The following PDE3B variants were observed in gnomAD, a reference collection of about 807,000 sequenced individuals.
The protein encoded by PDE3B is phosphodiesterase 3B.
PDE3B carries 66 observed loss-of-function variants against 116.8 expected under a neutral mutation model. The observed-to-expected ratio is 0.56, with a 90% confidence interval of 0.46 to 0.69. The LOEUF is 0.69. Among genes scored for constraint, PDE3B ranks in the 30% least tolerant of loss-of-function variants. PDE3B has a pLI of 0.00. For missense variants in PDE3B, 1,384 were observed against 1,368.1 expected, an observed-to-expected ratio of 1.01 and a Z score of -0.18; for synonymous variants, 595 against 533.6, an observed-to-expected ratio of 1.12 and a Z score of -1.59.
At chr11:14,645,600 A>T (rs1356961789) in intron 1 of PDE3B, among the ~76,000 whole-genome samples, 2 of 152,234 alleles carry the variant, frequency 1.3e-5, no homozygotes, top group African/African-American at 4.8e-5. Flanking sequence ...AGAGTAATTT[A>T]GATGAAAAGA....
chr11:14,803,612 C>T (rs193277580), intron 4 of PDE3B, among the ~76,000 whole-genome samples: 2 of 152,278 alleles, frequency 1.3e-5, no homozygotes, highest in African/African-American at 2.4e-5. Flanking sequence ...AGTCTGCAGC[C>T]TATGGACCTA....
chr11:14,676,606 T>C (rs1854538369), intron 1 of PDE3B, among the ~76,000 whole-genome samples: 1 of 152,170 alleles, frequency 6.6e-6, no homozygotes, highest in African/African-American at 2.4e-5. Context: ...TTATGGACTT[T>C]ATAAACACTG....
chr11:14,826,578 T>A (rs1465506899), intron 7 of PDE3B, among the ~76,000 whole-genome samples: 1 of 151,972 alleles, frequency 6.6e-6, no homozygotes, highest in Non-Finnish European at 1.5e-5. Flanking sequence ...AAGACATGGA[T>A]TCCCTGAATA....
chr11:14,832,357 G>T (rs1168890168), intron 9 of PDE3B, among the ~76,000 whole-genome samples: 1 of 152,126 alleles, frequency 6.6e-6, no homozygotes, highest in Non-Finnish European at 1.5e-5. Context: ...AGTTCTTAGG[G>T]ATAAAAATGT....
intron 1 of PDE3B, among the ~76,000 whole-genome samples, chr11:14,686,732 A>ATTTTTTTTTTTTTTTTTTTTG (rs1854885255): frequency 6.6e-6 from 1 of 151,974 alleles, no homozygotes; most frequent in Admixed American, 6.6e-5. Flanking sequence ...ATTTTTTTTA[A>ATTTTTTTTTTTTTTTTTTTTG]AGACAGAGTC....
chr11:14,711,959 A>G (rs906543521), intron 1 of PDE3B, among the ~76,000 whole-genome samples: 4 of 152,356 alleles, frequency 2.6e-5, no homozygotes, highest in Non-Finnish European at 4.4e-5. Context: ...CTGAATACCT[A>G]AAGTAGTACA....
chr11:14,844,497 T>G (rs1158439115), intron 12 of PDE3B, among the ~76,000 whole-genome samples: 1 of 152,120 alleles, frequency 6.6e-6, no homozygotes, highest in Non-Finnish European at 1.5e-5. Context: ...GGACAGTGGG[T>G]GCAGCGCACC....
At chr11:14,649,943 A>G (rs1853522893) in intron 1 of PDE3B, among the ~76,000 whole-genome samples, 1 of 152,218 alleles carries the variant, frequency 6.6e-6, no homozygotes, top group Non-Finnish European at 1.5e-5. Flanking sequence ...CTGACAGTTT[A>G]TAACATTGAC....
chr11:14,668,470 T>G (rs529449951), intron 1 of PDE3B, among the ~76,000 whole-genome samples: 1 of 152,294 alleles, frequency 6.6e-6, no homozygotes, highest in Non-Finnish European at 1.5e-5. Context: ...CATTACTATA[T>G]TTTTTAATGA....
chr11:14,792,327 G>T (rs1554994984), intron 4 of PDE3B, among the ~76,000 whole-genome samples: 1 of 151,932 alleles, frequency 6.6e-6, no homozygotes. Context: ...TTTGTTCTTG[G>T]TTTAACACCA....
In PDE3B at chr11:14,643,908, C is replaced by A; in HGVS notation, c.-168C>A. On this transcript the variant is annotated 5_prime_UTR_variant, in exon 1 of 16. Coordinates refer to ENST00000282096, the MANE Select transcript of PDE3B (RefSeq NM_000922.4). ...AGCCAGCATGTCCCGGACTCCGCCG[C>A]TCCTCAGTCCGCGCGGTGGGGACCC... is the stretch of plus-strand genomic sequence containing the variant. 9.8e-7 allele frequency: 1 copy of A among 1,021,118 alleles called. No individual in the cohort carries two copies. The highest frequency in any genetic ancestry group is 1.3e-6 in the Non-Finnish European group (1 of 761,052). 63.3% of individuals were successfully genotyped at this position (1,021,118 alleles called of 1,614,324 possible).
At chr11:14,727,797 A>G (rs181355367) in intron 1 of PDE3B, among the ~76,000 whole-genome samples, 1 of 152,170 alleles carries the variant, frequency 6.6e-6, no homozygotes, top group East Asian at 1.9e-4. Context: ...ACTTTATTTT[A>G]AAATTCATTT....
chr11:14,681,025 A>G (rs778729017), intron 1 of PDE3B, among the ~76,000 whole-genome samples: 1 of 152,188 alleles, frequency 6.6e-6, no homozygotes, highest in Non-Finnish European at 1.5e-5. Context: ...AGCCAAAAAC[A>G]TATTTTTGGC....
chr11:14,662,894 A>G (rs954243201), intron 1 of PDE3B, among the ~76,000 whole-genome samples: 1 of 152,204 alleles, frequency 6.6e-6, no homozygotes, highest in African/African-American at 2.4e-5. Flanking sequence ...GCAGGATATT[A>G]TCTAGGAGAA....
At chr11:14,896,145 C>T in the PDE3B span, among the ~76,000 whole-genome samples, 2 of 152,208 alleles carry the variant, frequency 1.3e-5, no homozygotes, top group Non-Finnish European at 2.9e-5. Flanking sequence ...ACCCACTGGG[C>T]CATCTTCTGT....
chr11:14,663,926 T>C (rs1346544364), intron 1 of PDE3B, among the ~76,000 whole-genome samples: 1 of 152,128 alleles, frequency 6.6e-6, no homozygotes, highest in African/African-American at 2.4e-5. Context: ...CTAATAGACA[T>C]CTACAGAACT....
At chr11:14,748,132 A>T (rs1856963714) in intron 1 of PDE3B, among the ~76,000 whole-genome samples, 1 of 152,262 alleles carries the variant, frequency 6.6e-6, no homozygotes, top group Non-Finnish European at 1.5e-5. Flanking sequence ...GGTTTAACAT[A>T]GGCATAGGCC....
At chr11:14,834,925 T>C (rs888001339) in intron 10 of PDE3B, 57 bp from the exon 11 acceptor site, 45 of 875,664 alleles carry the variant, frequency 5.1e-5, no homozygotes, top group Non-Finnish European at 7.2e-5. Context: ...AGGAAATTAT[T>C]GTACTTTTTA....
At chr11:14,798,773 G>T (rs574972330) in intron 4 of PDE3B, among the ~76,000 whole-genome samples, 39 of 152,206 alleles carry the variant, frequency 2.6e-4, no homozygotes, top group African/African-American at 8.4e-4. Flanking sequence ...GGGATCAGTG[G>T]TGATATCCCC....
Sources: allele counts gnomAD v4.1 joint callset (sites outside exome capture counted in the v4.1 genomes callset), GRCh38; gene constraint gnomAD v4.1.1; transcripts MANE v1.5; gene names NCBI Gene and HGNC (gene_info 2026-07-23, HGNC 2026-07-21).